Variants in SLCO4C1 observed in about 807,000 individuals in gnomAD.
SLCO4C1 encodes the protein organic anion transporter M1.
A neutral mutation model predicts 72.1 loss-of-function variants in SLCO4C1; 58 were observed. The ratio of observed to expected loss-of-function variants is 0.80; its 90% CI spans 0.65 to 1.00. The LOEUF is 1.00. Among genes scored for constraint, SLCO4C1 ranks in the 50% least tolerant of loss-of-function variants. The pLI, the probability that SLCO4C1 is intolerant of heterozygous loss-of-function variation, is 0.00. For missense variants in SLCO4C1, 898 were observed against 857.9 expected, an observed-to-expected ratio of 1.05 and a Z score of -0.58; for synonymous variants, 297 against 312.5, an observed-to-expected ratio of 0.95 and a Z score of 0.52.
intron 10 of SLCO4C1, among the ~76,000 whole-genome samples, chr5:102,241,465 A>G (rs1181058622): frequency 6.6e-6 from 1 of 152,156 alleles, no homozygotes; most frequent in East Asian, 1.9e-4. Context: ...ACCAACAATG[A>G]ACAAAAGAAA....
chr5:102,271,613 T>C (rs72777954), intron 2 of SLCO4C1, among the ~76,000 whole-genome samples: 16,426 of 151,618 alleles, frequency 0.11, 1,068 homozygotes, highest in African/African-American at 0.16. Context: ...GTTAAAAATA[T>C]ATATATATAA....
Position 102,268,353 on chromosome 5 carries a change from A to G in SLCO4C1, c.802+2271T>C, listed in dbSNP as rs2112372112. Among the ~76,000 whole-genome samples, 3 of 152,184 alleles carry G rather than the reference A, an allele frequency of 2.0e-5. No individual in the cohort carries two copies. The South Asian group carries it at 6.2e-4, about 32-fold the overall frequency. The stretch of plus-strand genomic sequence containing the variant: ...TTGGTGAATTTGTAATTGTAAAATG[A>G]TATTCTTTGTCTCTTTCTTGTATTT... On this transcript the variant is annotated intron_variant, in intron 3 of 12. Coordinates refer to ENST00000310954, the MANE Select transcript of SLCO4C1 (RefSeq NM_180991.5).
intron 8 of SLCO4C1, among the ~76,000 whole-genome samples, chr5:102,250,158 A>G (rs1748712120): frequency 6.6e-6 from 1 of 152,178 alleles, no homozygotes; most frequent in Admixed American, 6.5e-5. Flanking sequence ...CATTACAGCA[A>G]CCAAAATATC....
intron 2 of SLCO4C1, among the ~76,000 whole-genome samples, chr5:102,278,905 C>A (rs1176913653): frequency 4.7e-5 from 7 of 149,518 alleles, no homozygotes; most frequent in Admixed American, 1.3e-4. Flanking sequence ...AAAATAAAAT[C>A]AATAATCTAA....
chr5:102,251,829 T>C (rs764718485), intron 8 of SLCO4C1, among the ~76,000 whole-genome samples: 1 of 152,164 alleles, frequency 6.6e-6, no homozygotes, highest in Non-Finnish European at 1.5e-5. Flanking sequence ...AGAAGGGTAC[T>C]GAAGTCTTGG....
chr5:102,282,713 A>G (rs1749379412), intron 2 of SLCO4C1, among the ~76,000 whole-genome samples: 3 of 151,998 alleles, frequency 2.0e-5, no homozygotes, highest in Admixed American at 1.3e-4. Flanking sequence ...TGATGTAAAG[A>G]TGTGTGAATG....
At chr5:102,268,004 C>CT (rs111898185) in intron 3 of SLCO4C1, among the ~76,000 whole-genome samples, 43 of 152,066 alleles carry the variant, frequency 2.8e-4, no homozygotes, top group African/African-American at 9.6e-4. Flanking sequence ...TACTTTGTGG[C>CT]TTCATATGGT....
intron 9 of SLCO4C1, 120 bp from the exon 10 acceptor site, chr5:102,247,562 T>G (rs562911433): frequency 3.6e-6 from 2 of 551,196 alleles, no homozygotes; most frequent in South Asian, 1.1e-4. Context: ...ATTCAACAAA[T>G]TATGCTGAGA....
chr5:102,279,649 G>A (rs918787632), intron 2 of SLCO4C1, among the ~76,000 whole-genome samples: 2 of 151,862 alleles, frequency 1.3e-5, no homozygotes, highest in African/African-American at 2.4e-5. Context: ...TATCCCTTAT[G>A]AATATAGACA....
At chr5:102,260,951 TTAA>T (rs1343947935) in intron 5 of SLCO4C1, among the ~76,000 whole-genome samples, 2 of 152,122 alleles carry the variant, frequency 1.3e-5, no homozygotes, top group Non-Finnish European at 2.9e-5. Context: ...TTTCCAAAAG[TTAA>T]TAATCTATCC....
chr5:102,282,609 T>C (rs1055490997), intron 2 of SLCO4C1, among the ~76,000 whole-genome samples: 2 of 152,030 alleles, frequency 1.3e-5, no homozygotes, highest in Non-Finnish European at 2.9e-5. Flanking sequence ...ATAAAATGTG[T>C]CCAACACATC....
Position 102,235,272 on chromosome 5 carries a change from T to A in SLCO4C1, c.*1586A>T, listed in dbSNP as rs1423271054. On this transcript the variant is annotated 3_prime_UTR_variant, in exon 13 of 13. Coordinates refer to ENST00000310954, the MANE Select transcript of SLCO4C1 (RefSeq NM_180991.5). ...TACAGTGTATATAAAACAATGCTTG[T>A]GGAAAATTAACCTAGGAGAAAGCTT... 2 of 152,218 alleles carry A rather than the reference T, an allele frequency of 1.3e-5. No individual in the cohort carries two copies. The highest frequency in any genetic ancestry group is 2.9e-5 in the Non-Finnish European group (2 of 68,042). 9.4% of individuals were successfully genotyped at this position (152,218 alleles called of 1,614,324 possible). A position where few individuals can be genotyped will look rare whatever the true frequency, so the allele number is the denominator to read the frequency against.
At position 102,270,823 on chromosome 5, in the gene SLCO4C1, A is replaced by AC; in HGVS notation, c.620-18_620-17insG. 3.2e-6 allele frequency: 5 copies of AC among 1,542,122 alleles called. No individual in the cohort carries two copies. The highest frequency in any genetic ancestry group is 4.4e-6 in the Non-Finnish European group (5 of 1,146,214). The stretch of plus-strand genomic sequence containing the variant: ...CACAAGTGTCTTTGTGGAAAAAAAA[A>AC]TTGTGAATTTATAGAAATTCAGCTA... On this transcript the variant is annotated splice_polypyrimidine_tract_variant and intron_variant, in intron 2 of 12. Transcript: ENST00000310954.
chr5:102,256,268 G>A (rs1171131362), intron 8 of SLCO4C1, among the ~76,000 whole-genome samples: 2 of 152,146 alleles, frequency 1.3e-5, no homozygotes, highest in African/African-American at 4.8e-5. Context: ...AGAACACTCA[G>A]CATTAATGTA....
rs60433166 is a variant in SLCO4C1 at position 102,260,181 on chromosome 5, TGAGA to T, written c.1128+28_1128+31del. ...GTGTATATGTGTGTGTGTATGAGAC[TGAGA>T]GAGAGACAGAGAAGAATTTTATTTT... On this transcript the variant is annotated intron_variant, in intron 6 of 12. Coordinates refer to ENST00000310954, the MANE Select transcript of SLCO4C1 (RefSeq NM_180991.5). 755 of 690,194 alleles carry T rather than the reference TGAGA, an allele frequency of 1.1e-3. 2 individuals are homozygous for T. Among genetic ancestry groups the T allele is most frequent in the Non-Finnish European group, 1.5e-3 (719 of 472,248 alleles). The allele number at this position is 690,194 out of a possible 1,614,324, so 42.8% of individuals were successfully genotyped here. A position where few individuals can be genotyped will look rare whatever the true frequency, so the allele number is the denominator to read the frequency against.
At chr5:102,274,168 T>G (rs1360153021) in intron 2 of SLCO4C1, among the ~76,000 whole-genome samples, 1 of 152,110 alleles carries the variant, frequency 6.6e-6, no homozygotes, top group Non-Finnish European at 1.5e-5. Flanking sequence ...AGCATGCAGA[T>G]TTTGTTATCC....
intron 1 of SLCO4C1, among the ~76,000 whole-genome samples, chr5:102,292,342 G>A (rs911522963): frequency 1.3e-5 from 2 of 152,052 alleles, no homozygotes; most frequent in Non-Finnish European, 2.9e-5. Context: ...AAAGGCACAA[G>A]AGACCCCATA....
chr5:102,276,274 G>T (rs1321609550), intron 2 of SLCO4C1, among the ~76,000 whole-genome samples: 4 of 152,088 alleles, frequency 2.6e-5, no homozygotes, highest in Non-Finnish European at 4.4e-5. Flanking sequence ...TTAAAAATCT[G>T]TATGTCTCCC....
chr5:102,241,505 T>C (rs976598001), intron 10 of SLCO4C1, among the ~76,000 whole-genome samples: 2 of 151,372 alleles, frequency 1.3e-5, no homozygotes, highest in African/African-American at 4.9e-5. Context: ...TACAATAGCA[T>C]TGAAAAAAAA....
Sources: allele counts gnomAD v4.1 joint callset (sites outside exome capture counted in the v4.1 genomes callset), GRCh38; gene constraint gnomAD v4.1.1; transcripts MANE v1.5; gene names NCBI Gene and HGNC (gene_info 2026-07-23, HGNC 2026-07-21).